Variants in CDC73 observed in about 807,000 individuals in gnomAD.
CDC73 encodes the protein parafibromin.
A neutral mutation model predicts 83.7 loss-of-function variants in CDC73; 21 were observed. That is an observed-to-expected ratio of 0.25 (90% CI 0.18 to 0.36). The LOEUF (loss-of-function observed/expected upper bound fraction) is 0.36, where lower values mean the gene tolerates loss of function less well. Among genes scored for constraint, CDC73 ranks in the 10% least tolerant of loss-of-function variants. The pLI, the probability that CDC73 is intolerant of heterozygous loss-of-function variation, is 1.00. For synonymous variants in CDC73, 224 were observed against 212.9 expected (o/e 1.05, Z -0.45); for missense variants, 342 against 653.3 (o/e 0.52, Z 5.19).
At chr1:193,234,163 TCTCTCTCTCTCTCACACACACACACA>T (rs1169696635) in intron 14 of CDC73, among the ~76,000 whole-genome samples, 3 of 86,818 alleles carry the variant, frequency 3.5e-5, no homozygotes, top group African/African-American at 1.3e-4. Flanking sequence ...TCTCTCTCTC[TCTCTCTCTCTCTCACACACACACACA>T]CACACACACA....
intron 2 of CDC73, 62 bp downstream of exon 2, chr1:193,125,279 G>T: frequency 9.3e-7 from 1 of 1,070,250 alleles, no homozygotes; most frequent in South Asian, 1.3e-5. Context: ...TTATTTAAGA[G>T]ACAGGGTCTG....
At chr1:193,205,538 G>A (rs1572198049) in intron 11 of CDC73, among the ~76,000 whole-genome samples, 1 of 151,486 alleles carries the variant, frequency 6.6e-6, no homozygotes, top group African/African-American at 2.4e-5. Flanking sequence ...TTTGTTTTTT[G>A]TTTGACAGTA....
intron 5 of CDC73, 83 bp from the exon 6 acceptor site, chr1:193,138,002 G>T: frequency 1.0e-6 from 1 of 987,558 alleles, no homozygotes; most frequent in Non-Finnish European, 1.6e-6. Context: ...AGGAAATTTG[G>T]TAAGGAAAAG....
chr1:193,188,680 T>G (rs1205590041), intron 10 of CDC73, among the ~76,000 whole-genome samples: 1 of 152,058 alleles, frequency 6.6e-6, no homozygotes, highest in Non-Finnish European at 1.5e-5. Context: ...CCAGTTCTTT[T>G]GATTGGATTT....
At chr1:193,215,052 G>T (rs1279249526) in intron 13 of CDC73, among the ~76,000 whole-genome samples, 1 of 152,166 alleles carries the variant, frequency 6.6e-6, no homozygotes, top group Non-Finnish European at 1.5e-5. Flanking sequence ...AATGTGTTTA[G>T]CACTTGGTGT....
At chr1:193,200,819 CTT>C (rs1485942163) in intron 10 of CDC73, among the ~76,000 whole-genome samples, 1 of 152,022 alleles carries the variant, frequency 6.6e-6, no homozygotes, top group Non-Finnish European at 1.5e-5. Flanking sequence ...ACCTTTGTCT[CTT>C]CATCTTTAGG....
chr1:193,135,197 C>A (rs1348555179), intron 3 of CDC73, among the ~76,000 whole-genome samples, 194 bp from the exon 4 acceptor site: 1 of 152,042 alleles, frequency 6.6e-6, no homozygotes, highest in Non-Finnish European at 1.5e-5. Context: ...ATAGTTTGTC[C>A]TCTTAGAGAC....
intron 13 of CDC73, among the ~76,000 whole-genome samples, chr1:193,232,726 C>A (rs1307510988): frequency 1.3e-5 from 2 of 151,910 alleles, no homozygotes; most frequent in Non-Finnish European, 2.9e-5. Context: ...CGTGGTGAAA[C>A]CCCATCTCTA....
At chr1:193,232,883 A>G in intron 13 of CDC73, 110 bp from the exon 14 acceptor site, 3 of 898,188 alleles carry the variant, frequency 3.3e-6, no homozygotes, top group Middle Eastern at 3.4e-4. Context: ...AGCCTGGGCA[A>G]TAAGAAAAAA....
rs1675832895 is a variant in CDC73 at position 193,138,132 on chromosome 1, G to A, written c.471G>A (p.Leu157=). ...ATAAAGAGAGATTGGCTGCCCGTTT[G>A]GAGGGTCACAAAGAAGGGATTGTAC... ...RLDKERLAAR[L]EGHKEGIVQT... Residue 157 remains leucine (L), a synonymous_variant, in exon 6 of 17, where the codon TTG becomes TTA. Coordinates refer to ENST00000367435, the MANE Select transcript of CDC73 (RefSeq NM_024529.5). The A allele has an allele frequency of 1.2e-6, 2 of 1,613,656 alleles. No individual in the cohort carries two copies. The highest frequency in any genetic ancestry group is 1.7e-6 in the Non-Finnish European group (2 of 1,179,648).
At chr1:193,132,501 T>TG (rs1266175723) in intron 3 of CDC73, among the ~76,000 whole-genome samples, 1 of 151,790 alleles carries the variant, frequency 6.6e-6, no homozygotes, top group Non-Finnish European at 1.5e-5. Context: ...CTTTCAGAGA[T>TG]GGGGTCTCGC....
At chr1:193,162,680 T>G (rs557480519) in intron 10 of CDC73, among the ~76,000 whole-genome samples, 88 of 152,202 alleles carry the variant, frequency 5.8e-4, no homozygotes, top group Non-Finnish European at 7.8e-4. Flanking sequence ...GTTTAACATT[T>G]TTACACATTA....
chr1:193,189,379 G>A (rs1214429715), intron 10 of CDC73, among the ~76,000 whole-genome samples: 1 of 151,752 alleles, frequency 6.6e-6, no homozygotes, highest in Non-Finnish European at 1.5e-5. Flanking sequence ...TTCCAGTCAA[G>A]AGAAACTGTA....
At chr1:193,178,802 T>C (rs1572178666) in intron 10 of CDC73, among the ~76,000 whole-genome samples, 1 of 152,332 alleles carries the variant, frequency 6.6e-6, no homozygotes, top group East Asian at 1.9e-4. Flanking sequence ...TAAACAGTTT[T>C]AGTGTTTTCA....
chr1:193,178,514 C>T (rs1676651249), intron 10 of CDC73, among the ~76,000 whole-genome samples: 1 of 152,162 alleles, frequency 6.6e-6, no homozygotes, highest in Non-Finnish European at 1.5e-5. Flanking sequence ...CACACACACA[C>T]ACTGTTTTTA....
chr1:193,205,781 G>A (rs1268692097), intron 11 of CDC73, among the ~76,000 whole-genome samples: 2 of 152,228 alleles, frequency 1.3e-5, no homozygotes, highest in East Asian at 3.9e-4. Context: ...ACTAAGAGAA[G>A]CTAAAGGAGC....
intron 9 of CDC73, 37 bp downstream of exon 9, chr1:193,150,419 T>G (rs1676085243): frequency 7.0e-7 from 1 of 1,435,542 alleles, no homozygotes; most frequent in Non-Finnish European, 9.8e-7. Context: ...CTTAGTGTGG[T>G]TGTGTTGAAC....
intron 10 of CDC73, among the ~76,000 whole-genome samples, chr1:193,191,770 T>C (rs1458314180): frequency 6.6e-6 from 1 of 152,172 alleles, no homozygotes; most frequent in Non-Finnish European, 1.5e-5. Flanking sequence ...GTATTACCTG[T>C]GCATTTCATT....
At chr1:193,148,115 C>T in intron 8 of CDC73, 150 bp downstream of exon 8, 1 of 689,606 alleles carries the variant, frequency 1.5e-6, no homozygotes, top group Non-Finnish European at 2.7e-6. Context: ...GAAAGCCCTC[C>T]CCAACATTAA....
Sources: gnomAD v4.1 joint callset for allele counts (sites outside exome capture counted in the v4.1 genomes callset) on GRCh38, gnomAD v4.1.1 for gene constraint, MANE v1.5 for transcripts, NCBI Gene and HGNC (gene_info 2026-07-23, HGNC 2026-07-21) for gene names.